The following PCDHA13 variants were observed in gnomAD, a reference collection of about 807,000 sequenced individuals.
PCDHA13 encodes the protein protocadherin alpha 13.
In PCDHA13, 54 loss-of-function variants were observed where a neutral mutation model predicts 64.8. The observed-to-expected ratio is 0.83, with a 90% CI of 0.67 to 1.04. PCDHA13 has a LOEUF of 1.04. PCDHA13 is among the 50% of genes least tolerant of loss of function. PCDHA13 has a pLI of 0.00. For synonymous variants in PCDHA13, 587 were observed against 564.4 expected (o/e 1.04, Z -0.57); for missense variants, 1,248 against 1,254.3 (o/e 0.99, Z 0.08).
intron 1 of PCDHA13, among the ~76,000 whole-genome samples, chr5:140,938,975 C>T (rs1249900927): frequency 6.6e-6 from 1 of 152,188 alleles, no homozygotes; most frequent in African/African-American, 2.4e-5. Flanking sequence ...GGCATCAAGG[C>T]TATCCTGGCT....
At chr5:140,926,722 C>A in intron 1 of PCDHA13, 1 of 1,027,126 alleles carries the variant, frequency 9.7e-7, no homozygotes, top group East Asian at 3.0e-5. Flanking sequence ...CCCGGCAATG[C>A]CGGCGTTCGG....
chr5:140,895,257 T>C (rs1180344268), intron 1 of PCDHA13, among the ~76,000 whole-genome samples: 2 of 152,212 alleles, frequency 1.3e-5, no homozygotes, highest in Non-Finnish European at 1.5e-5. Flanking sequence ...AGCTTTCTTT[T>C]TTTTCTTACT....
At chr5:140,982,317 AG>A in intron 2 of PCDHA13, 157 bp from the exon 3 acceptor site, 1 of 1,347,244 alleles carries the variant, frequency 7.4e-7, no homozygotes, top group East Asian at 2.5e-5. Flanking sequence ...CAGTTTATGC[AG>A]GGTGACTGCT....
At chr5:140,887,396 C>T (rs2153420229) in intron 1 of PCDHA13, among the ~76,000 whole-genome samples, 1 of 152,174 alleles carries the variant, frequency 6.6e-6, no homozygotes, top group Non-Finnish European at 1.5e-5. Flanking sequence ...GCGCCCGGCT[C>T]TTTATCTCAT....
chr5:140,986,106 G>A (rs2097187379), intron 3 of PCDHA13, among the ~76,000 whole-genome samples: 2 of 152,116 alleles, frequency 1.3e-5, no homozygotes, highest in Non-Finnish European at 2.9e-5. Context: ...AAAAGCCTAA[G>A]ATAAAGATGC....
intron 1 of PCDHA13, among the ~76,000 whole-genome samples, chr5:140,947,890 G>A (rs1233922642): frequency 1.3e-5 from 2 of 151,506 alleles, no homozygotes; most frequent in African/African-American, 4.8e-5. Context: ...AATATAAACA[G>A]AAGTGGTGAG....
intron 3 of PCDHA13, among the ~76,000 whole-genome samples, chr5:140,995,012 AGG>A (rs1360435760): frequency 6.6e-6 from 1 of 152,218 alleles, no homozygotes; most frequent in Non-Finnish European, 1.5e-5. Context: ...GTTTATATTT[AGG>A]AAAGAAGATT....
intron 1 of PCDHA13, among the ~76,000 whole-genome samples, chr5:140,901,764 G>A (rs1217710808): frequency 6.6e-6 from 1 of 152,120 alleles, no homozygotes; most frequent in Non-Finnish European, 1.5e-5. Context: ...GACAGGGATT[G>A]CATTGAATTT....
chr5:140,990,524 G>T (rs782064217), intron 3 of PCDHA13, among the ~76,000 whole-genome samples: 2 of 151,978 alleles, frequency 1.3e-5, no homozygotes, highest in Non-Finnish European at 2.9e-5. Flanking sequence ...TGTCTTTTTT[G>T]ACTGTGCATC....
At chr5:140,942,916 A>G (rs2093393160) in intron 1 of PCDHA13, among the ~76,000 whole-genome samples, 1 of 152,158 alleles carries the variant, frequency 6.6e-6, no homozygotes, top group Non-Finnish European at 1.5e-5. Context: ...GCGTGAAGAA[A>G]AAAAAAATTG....
intron 1 of PCDHA13, among the ~76,000 whole-genome samples, chr5:140,917,358 C>T (rs2153543502): frequency 6.7e-6 from 1 of 149,798 alleles, no homozygotes; most frequent in East Asian, 1.9e-4. Flanking sequence ...GCTTCTGTTC[C>T]ACTATCTTGC....
intron 1 of PCDHA13, among the ~76,000 whole-genome samples, chr5:140,921,475 A>G (rs1323812887): frequency 6.6e-6 from 1 of 152,074 alleles, no homozygotes; most frequent in Non-Finnish European, 1.5e-5. Context: ...CTACCAAACC[A>G]CTCTACCTGA....
chr5:141,007,395 C>CAAAAAAAAAAAAAAAAAAAAAAAAAAA (rs35800918), intron 3 of PCDHA13, among the ~76,000 whole-genome samples: 1 of 94,866 alleles, frequency 1.1e-5, no homozygotes, highest in Non-Finnish European at 2.1e-5. Context: ...TACTAAAATA[C>CAAAAAAAAAAAAAAAAAAAAAAAAAAA]AAAAAAAAAA....
At chr5:140,930,712 A>T (rs1584689351) in intron 1 of PCDHA13, among the ~76,000 whole-genome samples, 1 of 152,234 alleles carries the variant, frequency 6.6e-6, no homozygotes, top group Non-Finnish European at 1.5e-5. Flanking sequence ...ATTCTTCCTC[A>T]AGTAATGATG....
rs114918834 is a variant in PCDHA13, at chr5:140,920,894, T to C, written c.2394+36232T>C. 7.8e-3 allele frequency among the ~76,000 whole-genome samples: 1,179 copies of C among 151,482 alleles called. 6 individuals carry two copies. The highest frequency in any genetic ancestry group is 0.019 in the African/African-American group (771 of 41,278). Reference sequence around the variant, plus strand: ...GTGGCCCTTAGAACTTAAAGTCATATTTTGGTTCTCAAATCAGTTCCAAGA... The same window carrying C: ...GTGGCCCTTAGAACTTAAAGTCATACTTTGGTTCTCAAATCAGTTCCAAGA... On this transcript the variant is annotated intron_variant, in intron 1 of 3. Coordinates refer to ENST00000289272, the MANE Select transcript of PCDHA13 (RefSeq NM_018904.3).
intron 1 of PCDHA13, among the ~76,000 whole-genome samples, chr5:140,947,681 C>T (rs976876831): frequency 3.3e-5 from 5 of 151,572 alleles, no homozygotes; most frequent in Non-Finnish European, 5.9e-5. Context: ...AAAAAATTGT[C>T]TCAGCATGTT....
intron 1 of PCDHA13, among the ~76,000 whole-genome samples, chr5:140,891,410 A>T: frequency 7.7e-6 from 1 of 130,320 alleles, no homozygotes; most frequent in East Asian, 2.5e-4. Context: ...GCCACCCCCC[A>T]CTCTTGCCCC....
chr5:140,965,672 A>G (rs1586083629), intron 1 of PCDHA13, among the ~76,000 whole-genome samples: 1 of 152,360 alleles, frequency 6.6e-6, no homozygotes, highest in South Asian at 2.1e-4. Context: ...TGATAAATGT[A>G]AAAGATTTGA....
intron 1 of PCDHA13, among the ~76,000 whole-genome samples, chr5:140,902,501 A>G (rs1264806549): frequency 1.3e-5 from 2 of 152,020 alleles, no homozygotes; most frequent in Admixed American, 6.6e-5. Context: ...ACTAGCTGTG[A>G]GTCTGTCATA....
Sources: gnomAD v4.1 joint callset for allele counts (sites outside exome capture counted in the v4.1 genomes callset) on GRCh38, gnomAD v4.1.1 for gene constraint, MANE v1.5 for transcripts, NCBI Gene and HGNC (gene_info 2026-07-23, HGNC 2026-07-21) for gene names.